The following ATP10B variants were observed in gnomAD, a reference collection of about 807,000 sequenced individuals.
ATP10B encodes the protein ATPase phospholipid transporting 10B (putative).
In ATP10B, 122 loss-of-function variants were observed where a neutral mutation model predicts 141.2. The ratio of observed to expected loss-of-function variants is 0.86; its 90% CI spans 0.75 to 1.00. The LOEUF (loss-of-function observed/expected upper bound fraction) is 1.00, where lower values mean the gene tolerates loss of function less well. ATP10B is among the 50% of genes least tolerant of loss of function. ATP10B has a pLI of 0.00. For synonymous variants in ATP10B, 685 were observed against 692.0 expected (o/e 0.99, Z 0.16); for missense variants, 1,876 against 1,825.3 (o/e 1.03, Z -0.51).
intron 2 of ATP10B, among the ~76,000 whole-genome samples, chr5:160,733,789 T>A (rs1026230740): frequency 6.6e-6 from 1 of 151,482 alleles, no homozygotes; most frequent in Non-Finnish European, 1.5e-5. Flanking sequence ...AACTCAGAAT[T>A]ATATAAGCAA....
the ATP10B span, among the ~76,000 whole-genome samples, chr5:160,866,316 A>C: frequency 7.2e-5 from 11 of 152,232 alleles, no homozygotes; most frequent in East Asian, 2.1e-3. Flanking sequence ...GGAATAGAAA[A>C]TAAAATATTG....
At chr5:160,777,240 C>A (rs1431046853) in intron 2 of ATP10B, among the ~76,000 whole-genome samples, 1 of 152,218 alleles carries the variant, frequency 6.6e-6, no homozygotes, top group African/African-American at 2.4e-5. Flanking sequence ...GCCAGGCCAG[C>A]ATCCACAGCT....
At chr5:160,732,893 G>A (rs114479006) in intron 2 of ATP10B, among the ~76,000 whole-genome samples, 3,870 of 152,024 alleles carry the variant, frequency 0.025, 163 homozygotes, top group African/African-American at 0.088. Context: ...CCCGTGCTAC[G>A]GTGCAGTGGC....
intron 3 of ATP10B, among the ~76,000 whole-genome samples, chr5:160,696,228 T>C (rs1453217755): frequency 4.6e-5 from 7 of 152,108 alleles, no homozygotes; most frequent in Non-Finnish European, 8.8e-5. Context: ...TGCCTTAGCC[T>C]CCTGAGTAGC....
chr5:160,915,022 A>C, the ATP10B span, among the ~76,000 whole-genome samples: 5,174 of 152,280 alleles, frequency 0.034, 307 homozygotes, highest in African/African-American at 0.12. Context: ...GGGATTTTAT[A>C]AAGACCATAG....
the ATP10B span, among the ~76,000 whole-genome samples, chr5:160,861,002 C>G: frequency 6.6e-6 from 1 of 151,900 alleles, no homozygotes; most frequent in Non-Finnish European, 1.5e-5. Context: ...TGTAGCAACT[C>G]AGTTTTTAAC....
rs35866347 is a variant in ATP10B at position 160,798,744 on chromosome 5, ATTTT to A, written c.-575-12945_-575-12942del. On this transcript the variant is annotated intron_variant, in intron 1 of 25. Transcript: ENST00000327245. ...GGGTCAAGGAAAAGACTTTTTCTCT[ATTTT>A]TTTTTTTTTTTTTTTTTTTTGAGGC... is the stretch of plus-strand genomic sequence containing the variant. Among the ~76,000 whole-genome samples, 373 of 102,488 alleles carry A rather than the reference ATTTT, an allele frequency of 3.6e-3. 2 individuals carry two copies. Among genetic ancestry groups the A allele is most frequent in the African/African-American group, 0.013 (351 of 27,720 alleles). The allele number at this position is 102,488 out of a possible 152,430, so 67.2% of individuals were successfully genotyped here. A position where few individuals can be genotyped will look rare whatever the true frequency, so the allele number is the denominator to read the frequency against.
At chr5:160,897,679 GA>G in the ATP10B span, among the ~76,000 whole-genome samples, 5 of 152,120 alleles carry the variant, frequency 3.3e-5, no homozygotes, top group African/African-American at 7.2e-5. Flanking sequence ...CACAGAATTA[GA>G]AAAAAACTAC....
chr5:160,660,925 G>A (rs1458349318), intron 7 of ATP10B, among the ~76,000 whole-genome samples: 2 of 152,208 alleles, frequency 1.3e-5, no homozygotes, highest in African/African-American at 4.8e-5. Flanking sequence ...AGTGGCTCAC[G>A]CCTGTAATCC....
chr5:160,683,267 A>G (rs1009096124), intron 6 of ATP10B, among the ~76,000 whole-genome samples: 3 of 152,142 alleles, frequency 2.0e-5, no homozygotes, highest in African/African-American at 7.2e-5. Context: ...AAAAAAAATT[A>G]TCCTTCAGAT....
At chr5:160,738,715 C>A (rs1471535362) in intron 2 of ATP10B, among the ~76,000 whole-genome samples, 1 of 151,958 alleles carries the variant, frequency 6.6e-6, no homozygotes, top group African/African-American at 2.4e-5. Context: ...CCAAATAATC[C>A]TTTGTCAATT....
Position 160,822,969 on chromosome 5 carries a change from A to T in ATP10B, c.-576+28972T>A, listed in dbSNP as rs1244992151. ...TACTTATTAACACAAAAGGGTGACT[A>T]TAGTAAAAAATTACATATACATATA... On this transcript the variant is annotated intron_variant, in intron 1 of 25. Coordinates refer to ENST00000327245, the MANE Select transcript of ATP10B (RefSeq NM_025153.3). Among the ~76,000 whole-genome samples the T allele has an allele frequency of 4.6e-5, 6 of 131,458 alleles. 1 individual carries two copies. Among genetic ancestry groups the T allele is most frequent in the Non-Finnish European group, 9.7e-5 (6 of 61,776 alleles). The allele number at this position is 131,458 out of a possible 152,430, so 86.2% of individuals were successfully genotyped here. A position where few individuals can be genotyped will look rare whatever the true frequency, so the allele number is the denominator to read the frequency against.
intron 1 of ATP10B, among the ~76,000 whole-genome samples, chr5:160,829,365 A>T (rs186274481): frequency 6.6e-6 from 1 of 152,148 alleles, no homozygotes; most frequent in East Asian, 1.9e-4. Context: ...GCACGCTTAT[A>T]GTATGGCTTG....
At chr5:160,810,533 T>G (rs921937964) in intron 1 of ATP10B, among the ~76,000 whole-genome samples, 2 of 152,186 alleles carry the variant, frequency 1.3e-5, no homozygotes, top group African/African-American at 4.8e-5. Context: ...AGAGAATACC[T>G]ATTCTCTAAT....
rs138748364 is a variant in ATP10B at position 160,773,995 on chromosome 5, C to G, written c.-331+11564G>C. ...CAGGGGAGCTTTTGCGGAGTCATCACACTTGTAAATTTTCTTCTCCTCTGT... is the reference window on the plus strand; with the variant it reads ...CAGGGGAGCTTTTGCGGAGTCATCAGACTTGTAAATTTTCTTCTCCTCTGT... On this transcript the variant is annotated intron_variant, in intron 2 of 25. Coordinates refer to ENST00000327245, the MANE Select transcript of ATP10B (RefSeq NM_025153.3). Among the ~76,000 whole-genome samples, 5 of 152,298 alleles carry G rather than the reference C, an allele frequency of 3.3e-5. No homozygotes were observed. In the East Asian group the frequency reaches 9.6e-4, roughly 29 times the overall value.
chr5:160,832,268 A>G (rs1246116066), intron 1 of ATP10B, among the ~76,000 whole-genome samples: 3 of 152,176 alleles, frequency 2.0e-5, no homozygotes, highest in African/African-American at 7.2e-5. Context: ...AAGATTGTTC[A>G]TGACTACAGT....
At position 160,564,047 on chromosome 5, in the gene ATP10B, G is replaced by A. The variant is rs1258074872; in HGVS notation, c.*1406C>T. On this transcript the variant is annotated 3_prime_UTR_variant, in exon 26 of 26. Coordinates refer to ENST00000327245, the MANE Select transcript of ATP10B (RefSeq NM_025153.3). ...CCCTGTGTCATTTGCCAACTTGATT[G>A]AATGTTTTCTGGCATCTTTGCTGAG... 6.6e-6 allele frequency: 1 copy of A among 152,274 alleles called. No homozygotes were observed. Among genetic ancestry groups the A allele is most frequent in the Non-Finnish European group, 1.5e-5 (1 of 68,074 alleles). 9.4% of individuals were successfully genotyped at this position (152,274 alleles called of 1,614,324 possible). A position where few individuals can be genotyped will look rare whatever the true frequency, so the allele number is the denominator to read the frequency against.
At chr5:160,727,117 C>A (rs1159553937) in intron 2 of ATP10B, among the ~76,000 whole-genome samples, 3 of 152,172 alleles carry the variant, frequency 2.0e-5, no homozygotes, top group African/African-American at 7.2e-5. Flanking sequence ...ACGGATGGGT[C>A]CTCAACCTTG....
At chr5:160,923,680 G>A in the ATP10B span, among the ~76,000 whole-genome samples, 1 of 152,218 alleles carries the variant, frequency 6.6e-6, no homozygotes, top group African/African-American at 2.4e-5. Context: ...TACCACTTAT[G>A]AGGAACAAAC....
Sources: gnomAD v4.1 joint callset for allele counts (sites outside exome capture counted in the v4.1 genomes callset) on GRCh38, gnomAD v4.1.1 for gene constraint, MANE v1.5 for transcripts, NCBI Gene and HGNC (gene_info 2026-07-23, HGNC 2026-07-21) for gene names.